Variants in KCNH5 observed in about 807,000 individuals in gnomAD.
KCNH5 encodes the protein potassium voltage-gated channel subfamily H member 5.
A neutral mutation model predicts 96.1 loss-of-function variants in KCNH5; 46 were observed. That is an observed-to-expected ratio of 0.48 (90% CI 0.38 to 0.61). The LOEUF is 0.61. Among genes scored for constraint, KCNH5 ranks in the 20% least tolerant of loss-of-function variants. The pLI, the probability that KCNH5 is intolerant of heterozygous loss-of-function variation, is 0.00. For missense variants in KCNH5, 907 were observed against 1,225.8 expected (o/e 0.74, Z 3.88); for synonymous variants, 439 against 449.8 (o/e 0.98, Z 0.30).
intron 1 of KCNH5, among the ~76,000 whole-genome samples, chr14:63,044,679 TA>T (rs1278672027): frequency 5.9e-5 from 9 of 152,178 alleles, no homozygotes; most frequent in African/African-American, 2.2e-4. Context: ...TCTTGTTAAG[TA>T]GCCACTTTCG....
chr14:62,999,869 T>TAA (rs373750249), intron 4 of KCNH5, among the ~76,000 whole-genome samples: 1 of 120,028 alleles, frequency 8.3e-6, no homozygotes, highest in Non-Finnish European at 1.8e-5. Context: ...ATAATAATAA[T>TAA]AAAAAAAAAA....
intron 4 of KCNH5, among the ~76,000 whole-genome samples, chr14:62,992,623 T>G (rs996025225): frequency 6.6e-6 from 1 of 152,142 alleles, no homozygotes; most frequent in Non-Finnish European, 1.5e-5. Context: ...TATGTATTCT[T>G]TTGAAAAATA....
At chr14:62,930,533 G>A (rs1889561045) in intron 7 of KCNH5, among the ~76,000 whole-genome samples, 1 of 152,134 alleles carries the variant, frequency 6.6e-6, no homozygotes, top group African/African-American at 2.4e-5. Context: ...CTGAAAAGCA[G>A]CTTTCATCAA....
Position 62,703,579 on chromosome 14 carries a change from G to A in KCNH5, c.*3929C>T, listed in dbSNP as rs1219775891. Reference sequence around the variant, plus strand: ...CCCATAATTACACTTCTAGTTTGTGGTAAAGCTAAATTCAGAACACAAGAC... The same window carrying A: ...CCCATAATTACACTTCTAGTTTGTGATAAAGCTAAATTCAGAACACAAGAC... On this transcript the variant is annotated 3_prime_UTR_variant, in exon 11 of 11. Coordinates refer to ENST00000322893, the MANE Select transcript of KCNH5 (RefSeq NM_139318.5). 6.6e-6 allele frequency: 1 copy of A among 151,802 alleles called. No homozygotes were observed. The highest frequency in any genetic ancestry group is 2.4e-5 in the African/African-American group (1 of 41,402). The allele number at this position is 151,802 out of a possible 1,614,324, so 9.4% of individuals were successfully genotyped here.
intron 6 of KCNH5, among the ~76,000 whole-genome samples, chr14:62,978,586 C>CAAAA (rs529221170): frequency 1.2e-5 from 1 of 80,678 alleles, no homozygotes; most frequent in Admixed American, 1.4e-4. Flanking sequence ...GACTCCGTCT[C>CAAAA]AAAAAAAAAA....
chr14:62,952,701 G>A (rs774505547), intron 6 of KCNH5, among the ~76,000 whole-genome samples: 1 of 152,130 alleles, frequency 6.6e-6, no homozygotes, highest in Non-Finnish European at 1.5e-5. Context: ...AAAACAGAGA[G>A]AAAATCTTCA....
intron 7 of KCNH5, among the ~76,000 whole-genome samples, chr14:62,901,695 G>T (rs1888928196): frequency 1.3e-5 from 2 of 152,310 alleles, no homozygotes; most frequent in South Asian, 2.1e-4. Context: ...ACATGTGAGT[G>T]CATGTGTCTT....
At chr14:62,782,764 T>C (rs1368627956) in intron 9 of KCNH5, among the ~76,000 whole-genome samples, 1 of 152,094 alleles carries the variant, frequency 6.6e-6, no homozygotes, top group African/African-American at 2.4e-5. Flanking sequence ...TGAGCTGAGA[T>C]TGTGCCACTG....
At chr14:62,875,328 T>C (rs1249260071) in intron 7 of KCNH5, among the ~76,000 whole-genome samples, 2 of 152,112 alleles carry the variant, frequency 1.3e-5, no homozygotes, top group African/African-American at 2.4e-5. Flanking sequence ...CTTCACAGAA[T>C]TGGAAAAACC....
intron 10 of KCNH5, among the ~76,000 whole-genome samples, chr14:62,760,626 G>A (rs1885726880): frequency 6.6e-6 from 1 of 152,182 alleles, no homozygotes; most frequent in Non-Finnish European, 1.5e-5. Context: ...AAAAGTGTTG[G>A]ATGAATCAAG....
At chr14:62,826,588 GTT>G (rs2140023244) in intron 8 of KCNH5, among the ~76,000 whole-genome samples, 1 of 151,788 alleles carries the variant, frequency 6.6e-6, no homozygotes, top group South Asian at 2.1e-4. Flanking sequence ...TTATAATATA[GTT>G]TTTTGTTCTG....
At chr14:62,791,376 AC>A (rs1886431043) in intron 9 of KCNH5, among the ~76,000 whole-genome samples, 1 of 151,668 alleles carries the variant, frequency 6.6e-6, no homozygotes, top group Non-Finnish European at 1.5e-5. Context: ...AAAAGGACCT[AC>A]AAAATAACCA....
At chr14:62,720,735 C>T (rs952032409) in intron 10 of KCNH5, among the ~76,000 whole-genome samples, 6 of 152,056 alleles carry the variant, frequency 3.9e-5, no homozygotes, top group Admixed American at 3.9e-4. Flanking sequence ...TGAATAATCC[C>T]AGAGGAAAAA....
At chr14:62,989,097 A>T (rs1388851957) in intron 4 of KCNH5, among the ~76,000 whole-genome samples, 1 of 151,920 alleles carries the variant, frequency 6.6e-6, no homozygotes, top group African/African-American at 2.4e-5. Context: ...TCTCAAATTG[A>T]ATCTCCTCTC....
At chr14:62,933,501 A>C (rs1423585484) in intron 7 of KCNH5, among the ~76,000 whole-genome samples, 1 of 151,696 alleles carries the variant, frequency 6.6e-6, no homozygotes, top group Non-Finnish European at 1.5e-5. Flanking sequence ...GTGTGTGTGT[A>C]GTGGTAGTTA....
rs186145184 is a variant in KCNH5, at chr14:62,771,352, C to T, written c.2019+8376G>A. 1.7e-3 allele frequency among the ~76,000 whole-genome samples: 258 copies of T among 152,226 alleles called. 1 individual carries two copies. Among genetic ancestry groups the T allele is most frequent in the Admixed American group, 5.0e-3 (77 of 15,294 alleles). ...TTAATAAAAATGAGTCTAGGCCAGG[C>T]GCGGTGGCTCACACCTGTAATCCCA... On this transcript the variant is annotated intron_variant, in intron 10 of 10. Coordinates refer to ENST00000322893, the MANE Select transcript of KCNH5 (RefSeq NM_139318.5).
chr14:62,825,962 A>G lies in KCNH5; in HGVS notation c.1570-23381T>C, dbSNP rs1595641303. On this transcript the variant is annotated intron_variant, in intron 8 of 10. Transcript: ENST00000322893. ...CAAATATACAGTTTAAAATTTCCAT[A>G]TTTATTTGAAAGGAACTTTATATTC... Among the ~76,000 whole-genome samples the G allele has an allele frequency of 5.3e-5, 8 of 152,172 alleles. No homozygotes were observed. The South Asian group carries it at 1.7e-3, about 32-fold the overall frequency.
chr14:62,927,293 G>C (rs1370159500), intron 7 of KCNH5, among the ~76,000 whole-genome samples: 3 of 152,122 alleles, frequency 2.0e-5, no homozygotes, highest in African/African-American at 4.8e-5. Flanking sequence ...TGGTGGGAAT[G>C]TGAAATGGTA....
chr14:62,723,175 G>A (rs1290497391), intron 10 of KCNH5, among the ~76,000 whole-genome samples: 2 of 151,750 alleles, frequency 1.3e-5, no homozygotes, highest in African/African-American at 4.8e-5. Context: ...TCTACAGCTT[G>A]TATTTATAAA....
Sources: allele counts gnomAD v4.1 joint callset (sites outside exome capture counted in the v4.1 genomes callset), GRCh38; gene constraint gnomAD v4.1.1; transcripts MANE v1.5; gene names NCBI Gene and HGNC (gene_info 2026-07-23, HGNC 2026-07-21).